Variants in CADPS observed in about 807,000 individuals in gnomAD.
CADPS encodes the protein calcium-dependent secretion activator 1.
Under a neutral mutation model 167.3 loss-of-function variants are expected in CADPS, and 57 were observed. The observed-to-expected ratio is 0.34, with a 90% CI of 0.28 to 0.42. CADPS has a LOEUF of 0.42. Ranked by LOEUF, CADPS falls within the 20% of genes least tolerant of loss-of-function variation. The pLI is 1.00. For synonymous variants in CADPS, 676 were observed against 635.3 expected, an observed-to-expected ratio of 1.06 and a Z score of -0.96; for missense variants, 1,414 against 1,738.1, an observed-to-expected ratio of 0.81 and a Z score of 3.32.
At chr3:62,698,681 TCCTTCA>T (rs1474268862) in intron 3 of CADPS, among the ~76,000 whole-genome samples, 6 of 147,520 alleles carry the variant, frequency 4.1e-5, no homozygotes, top group Admixed American at 6.8e-5. Context: ...CTCCTCCTTC[TCCTTCA>T]CCTTCTTCTC....
intron 1 of CADPS, among the ~76,000 whole-genome samples, chr3:62,816,914 C>T (rs575956454): frequency 2.4e-4 from 37 of 152,228 alleles, no homozygotes; most frequent in African/African-American, 8.2e-4. Flanking sequence ...CCTCCTCCTC[C>T]TCATCAAAAT....
intron 11 of CADPS, among the ~76,000 whole-genome samples, chr3:62,546,548 G>C (rs2076482587): frequency 6.6e-6 from 1 of 152,098 alleles, no homozygotes; most frequent in Non-Finnish European, 1.5e-5. Flanking sequence ...CCACCATTCT[G>C]TGGCTTACTC....
In CADPS at chr3:62,495,759, C is replaced by T. The variant is rs9813555; in HGVS notation, c.2707-2094G>A. On this transcript the variant is annotated intron_variant, in intron 18 of 29. Coordinates refer to ENST00000383710, the MANE Select transcript of CADPS (RefSeq NM_003716.4). ...AGCAACCATACATGAAGGCATAATT[C>T]GTGTGTGTATGTTTGTGAATAGATT... is the stretch of plus-strand genomic sequence containing the variant. Among the ~76,000 whole-genome samples the T allele has an allele frequency of 1.7e-3, 253 of 152,222 alleles. 1 individual carries two copies. Among genetic ancestry groups the T allele is most frequent in the African/African-American group, 5.2e-3 (218 of 41,526 alleles).
At chr3:62,462,530 G>A (rs1268828594) in intron 26 of CADPS, among the ~76,000 whole-genome samples, 2 of 152,216 alleles carry the variant, frequency 1.3e-5, no homozygotes, top group African/African-American at 4.8e-5. Context: ...GTCGATACTC[G>A]TCAGCTTTCT....
chr3:62,662,526 C>A (rs550286511), intron 3 of CADPS, 132 bp from the exon 4 acceptor site: 2 of 705,732 alleles, frequency 2.8e-6, no homozygotes, highest in Non-Finnish European at 4.8e-6. Context: ...TTCTTATAAC[C>A]GACAAATCCA....
rs13325753 is a variant in CADPS at position 62,522,648 on chromosome 3, C to A, written c.2292-4398G>T. On this transcript the variant is annotated intron_variant, in intron 13 of 29. Transcript: ENST00000383710. The stretch of plus-strand genomic sequence containing the variant: ...ACTTATATTGAACTCGATATAAGTT[C>A]ATAAAGCACATATCTCTTCCTTCAC... Among the ~76,000 whole-genome samples, 693 of 152,270 alleles carry A rather than the reference C, an allele frequency of 4.6e-3. 4 individuals are homozygous for A. Among genetic ancestry groups the A allele is most frequent in the African/African-American group, 0.016 (668 of 41,560 alleles).
At chr3:62,797,733 G>C (rs2093521491) in intron 1 of CADPS, among the ~76,000 whole-genome samples, 1 of 151,906 alleles carries the variant, frequency 6.6e-6, no homozygotes. Context: ...TCATACCTAG[G>C]AGATAAAATA....
chr3:62,775,614 T>C (rs1352800865), intron 1 of CADPS, among the ~76,000 whole-genome samples: 1 of 152,186 alleles, frequency 6.6e-6, no homozygotes. Flanking sequence ...CTCCCTCCAT[T>C]TACTTTCTAG....
chr3:62,593,263 C>G (rs192569854), intron 6 of CADPS, among the ~76,000 whole-genome samples: 7 of 152,022 alleles, frequency 4.6e-5, no homozygotes, highest in South Asian at 2.1e-4. Flanking sequence ...GGAGCTCCAC[C>G]CTGTTAAGGT....
rs1284442406 is a variant in CADPS at position 62,753,470 on chromosome 3, C to T, written c.859G>A (p.Glu287Lys). ...FQNILGIKKFEHQLLYNACQL... is the reference protein window; with the variant it reads ...FQNILGIKKFKHQLLYNACQL... ...CAGGCATTGTAAAGGAGCTGATGTT[C>T]GAACTTCTTGATCCCAAGAATGTTC... Residue 287 changes from glutamate to lysine, a missense_variant, in exon 3 of 30, where the codon GAA becomes AAA. Glu to Lys is a moderately conservative substitution (Grantham distance 56, BLOSUM62 1). Coordinates refer to ENST00000383710, the MANE Select transcript of CADPS (RefSeq NM_003716.4). The surrounding 1 kb of genome is among the most constrained non-coding windows in gnomAD (Gnocchi z 4.6). The T allele has an allele frequency of 1.9e-6, 3 of 1,613,024 alleles. No individual in the cohort carries two copies. The highest frequency in any genetic ancestry group is 2.5e-6 in the Non-Finnish European group (3 of 1,179,230).
At chr3:62,424,727 A>G (rs1031105611) in intron 28 of CADPS, among the ~76,000 whole-genome samples, 18 of 152,242 alleles carry the variant, frequency 1.2e-4, no homozygotes, top group African/African-American at 4.1e-4. Context: ...TTCATTACCC[A>G]TTACATGAAC....
At position 62,492,370 on chromosome 3, in the gene CADPS, G is replaced by A. The variant is rs763689385; in HGVS notation, c.2804C>T (p.Ala935Val). The change falls in exon 20 of 30, where the codon GCA (alanine) becomes GTA (valine). Residue 935 changes from alanine (A) to valine (V), a missense_variant. Transcript: ENST00000383710. ...GTCTGGAGGTTGCACCTCTAAGGCTGCATCCATGTCTACTGCAAAGAGTGA... is the reference window on the plus strand; with the variant it reads ...GTCTGGAGGTTGCACCTCTAAGGCTACATCCATGTCTACTGCAAAGAGTGA... ...FLSLFAVDMD[A>V]ALEVQPPDTW... 1.2e-6 allele frequency: 2 copies of A among 1,613,914 alleles called. No individual in the cohort carries two copies. Among genetic ancestry groups the A allele is most frequent in the African/African-American group, 2.7e-5 (2 of 74,934 alleles).
At chr3:62,792,825 T>A (rs2093065293) in intron 1 of CADPS, among the ~76,000 whole-genome samples, 1 of 152,122 alleles carries the variant, frequency 6.6e-6, no homozygotes. Flanking sequence ...CTCAAACTCC[T>A]GGCCTCAGGT....
At position 62,552,512 on chromosome 3, in the gene CADPS, A is replaced by C. The variant is rs114331687; in HGVS notation, c.1754-2397T>G. Among the ~76,000 whole-genome samples the C allele has an allele frequency of 6.8e-3, 1,042 of 152,348 alleles. 9 individuals carry two copies. Among genetic ancestry groups the C allele is most frequent in the African/African-American group, 0.024 (985 of 41,576 alleles). On this transcript the variant is annotated intron_variant, in intron 10 of 29. Transcript: ENST00000383710. Reference sequence around the variant, plus strand: ...ATTCTCTAGCTGGAAATAATACTTCATATCTTCATCAGGTTCCTCGTCGCC... The same window carrying C: ...ATTCTCTAGCTGGAAATAATACTTCCTATCTTCATCAGGTTCCTCGTCGCC...
intron 1 of CADPS, among the ~76,000 whole-genome samples, chr3:62,867,721 A>G (rs928791633): frequency 6.6e-6 from 1 of 152,082 alleles, no homozygotes; most frequent in South Asian, 2.1e-4. Flanking sequence ...CAGTCCTTTC[A>G]GATAAAAACA....
At chr3:62,538,643 CT>C (rs1351453293) in intron 11 of CADPS, among the ~76,000 whole-genome samples, 1 of 152,148 alleles carries the variant, frequency 6.6e-6, no homozygotes, top group Non-Finnish European at 1.5e-5. Flanking sequence ...CGGCCGGGGC[CT>C]TACTCTGCCA....
At chr3:62,781,652 T>C (rs1301983654) in intron 1 of CADPS, among the ~76,000 whole-genome samples, 1 of 152,020 alleles carries the variant, frequency 6.6e-6, no homozygotes, top group Non-Finnish European at 1.5e-5. Context: ...AAACTAATCC[T>C]GGGAGCGAGA....
intron 4 of CADPS, among the ~76,000 whole-genome samples, chr3:62,655,958 G>A (rs1579757596): frequency 6.6e-6 from 1 of 152,062 alleles, no homozygotes; most frequent in Non-Finnish European, 1.5e-5. Flanking sequence ...TACAAAGAGG[G>A]CATCAAGGAA....
chr3:62,545,616 A>AT (rs145744744), intron 11 of CADPS, among the ~76,000 whole-genome samples: 368 of 152,172 alleles, frequency 2.4e-3, no homozygotes, highest in African/African-American at 8.1e-3. Context: ...AGCAGGATCT[A>AT]TTTTTTTCAG....
Sources: gnomAD v4.1 joint callset for allele counts (sites outside exome capture counted in the v4.1 genomes callset) on GRCh38, gnomAD v4.1.1 for gene constraint, Gnocchi (gnomAD v3.1) non-coding constraint, MANE v1.5 for transcripts, NCBI Gene and HGNC (gene_info 2026-07-23, HGNC 2026-07-21) for gene names.